The following WDFY3 variants were observed in gnomAD, a reference collection of about 807,000 sequenced individuals.
WDFY3 encodes the protein WD repeat and FYVE domain containing 3.
WDFY3 carries 66 observed loss-of-function variants against 409.6 expected under a neutral mutation model. The observed-to-expected ratio is 0.16, with a 90% CI of 0.13 to 0.20. The LOEUF (loss-of-function observed/expected upper bound fraction) is 0.20, where lower values mean the gene tolerates loss of function less well. Ranked by LOEUF, WDFY3 falls within the 10% of genes least tolerant of loss-of-function variation. The pLI, the probability that WDFY3 is intolerant of heterozygous loss-of-function variation, is 1.00. For missense variants in WDFY3, 3,031 were observed against 4,298.1 expected, an observed-to-expected ratio of 0.71 and a Z score of 8.24; for synonymous variants, 1,521 against 1,537.1, an observed-to-expected ratio of 0.99 and a Z score of 0.25.
chr4:84,818,351 G>A (rs1259429705), intron 12 of WDFY3, among the ~76,000 whole-genome samples: 2 of 152,072 alleles, frequency 1.3e-5, no homozygotes, highest in East Asian at 1.9e-4. Context: ...TTTCCTCTAA[G>A]TAATTCTTCT....
intron 8 of WDFY3, among the ~76,000 whole-genome samples, chr4:84,830,019 T>G (rs185053712): frequency 6.6e-6 from 1 of 152,116 alleles, no homozygotes; most frequent in Non-Finnish European, 1.5e-5. Flanking sequence ...TTTGGTGGTA[T>G]GTATTTGTAT....
At chr4:84,689,569 T>C (rs1282163308) in intron 61 of WDFY3, among the ~76,000 whole-genome samples, 1 of 152,252 alleles carries the variant, frequency 6.6e-6, no homozygotes, top group Non-Finnish European at 1.5e-5. Context: ...AGTTTTATAC[T>C]GAACAGGGGT....
chr4:84,769,650 C>T (rs1234750816), intron 30 of WDFY3, among the ~76,000 whole-genome samples: 1 of 152,098 alleles, frequency 6.6e-6, no homozygotes, highest in Non-Finnish European at 1.5e-5. Flanking sequence ...TCTCGATCTC[C>T]TGACCTCGTG....
intron 16 of WDFY3, among the ~76,000 whole-genome samples, chr4:84,802,345 C>A (rs1434370139): frequency 2.0e-5 from 3 of 149,482 alleles, no homozygotes; most frequent in Non-Finnish European, 4.5e-5. Flanking sequence ...CTGCAACCTC[C>A]GCCTCCTGGG....
intron 2 of WDFY3, among the ~76,000 whole-genome samples, chr4:84,907,969 AGTGGGTGTAG>A (rs1767269562): frequency 6.6e-6 from 1 of 152,114 alleles, no homozygotes; most frequent in South Asian, 2.1e-4. Context: ...AGGGGGAAAG[AGTGGGTGTAG>A]GTATGCATAT....
At chr4:84,878,379 T>C (rs1396733521) in intron 3 of WDFY3, among the ~76,000 whole-genome samples, 2 of 151,942 alleles carry the variant, frequency 1.3e-5, no homozygotes, top group African/African-American at 4.8e-5. Flanking sequence ...AAATGACAAA[T>C]GCCAAAAGAT....
intron 30 of WDFY3, among the ~76,000 whole-genome samples, chr4:84,770,875 G>A (rs895350194): frequency 2.0e-5 from 3 of 152,096 alleles, no homozygotes; most frequent in Non-Finnish European, 4.4e-5. Flanking sequence ...ACTCAATAAA[G>A]TCTTCAGTGC....
At chr4:84,959,048 A>C (rs1419858647) in intron 1 of WDFY3, among the ~76,000 whole-genome samples, 7 of 152,206 alleles carry the variant, frequency 4.6e-5, no homozygotes, top group Non-Finnish European at 1.0e-4. Context: ...ACAATTGACA[A>C]TAGTAATACT....
Position 84,796,474 on chromosome 4 carries a change from T to C in WDFY3, c.3167+47A>G, listed in dbSNP as rs1578557700. 3.2e-6 allele frequency: 4 copies of C among 1,238,906 alleles called. No homozygotes were observed. The East Asian group carries it at 1.1e-4, about 33-fold the overall frequency. The allele number at this position is 1,238,906 out of a possible 1,614,324, so 76.7% of individuals were successfully genotyped here. ...CCAAAGATCTATTTGTAAAGGCAAGTATGACGCATAAAACCATAAAGGTTG... is the reference window on the plus strand; with the variant it reads ...CCAAAGATCTATTTGTAAAGGCAAGCATGACGCATAAAACCATAAAGGTTG... On this transcript the variant is annotated intron_variant, in intron 19 of 67. Transcript: ENST00000295888.
At chr4:84,843,921 C>A (rs551527237) in intron 5 of WDFY3, among the ~76,000 whole-genome samples, 1 of 151,920 alleles carries the variant, frequency 6.6e-6, no homozygotes, top group African/African-American at 2.4e-5. Flanking sequence ...CAAATATAAA[C>A]GATTTAACTT....
chr4:84,711,156 T>G (rs2149000891), intron 51 of WDFY3, among the ~76,000 whole-genome samples: 3 of 152,342 alleles, frequency 2.0e-5, no homozygotes, highest in Admixed American at 2.0e-4. Flanking sequence ...GGCTACTAGT[T>G]ACTGAGTGAT....
chr4:84,722,989 TG>T (rs1735083361), intron 46 of WDFY3, among the ~76,000 whole-genome samples: 1 of 152,232 alleles, frequency 6.6e-6, no homozygotes, highest in Non-Finnish European at 1.5e-5. Flanking sequence ...TCCATTTCTA[TG>T]TCTAGCATAA....
At chr4:84,878,937 A>C (rs959970132) in intron 3 of WDFY3, among the ~76,000 whole-genome samples, 3 of 152,210 alleles carry the variant, frequency 2.0e-5, no homozygotes, top group African/African-American at 7.2e-5. Context: ...TTAAGTGTCT[A>C]CTATATATAA....
At chr4:84,903,867 A>G (rs979578466) in intron 2 of WDFY3, among the ~76,000 whole-genome samples, 3 of 152,010 alleles carry the variant, frequency 2.0e-5, no homozygotes, top group East Asian at 1.9e-4. Flanking sequence ...CTATTTCTCT[A>G]TCTCCCTATC....
intron 2 of WDFY3, among the ~76,000 whole-genome samples, chr4:84,925,068 TTAGC>T (rs1457523518): frequency 6.6e-6 from 1 of 152,224 alleles, no homozygotes; most frequent in Non-Finnish European, 1.5e-5. Flanking sequence ...ATTCAGCTAC[TTAGC>T]TAGCACAGAA....
chr4:84,739,145 T>C (rs756858827), intron 39 of WDFY3, 26 bp from the exon 40 acceptor site: 2 of 1,607,554 alleles, frequency 1.2e-6, no homozygotes, highest in South Asian at 1.1e-5. Context: ...CAGTTTAAAC[T>C]TTATGAAGGA....
rs181541570 is a variant in WDFY3 at position 84,802,394 on chromosome 4, G to A, written c.2608-530C>T. 3.1e-3 allele frequency among the ~76,000 whole-genome samples: 466 copies of A among 151,926 alleles called. 2 individuals are homozygous for A. Among genetic ancestry groups the A allele is most frequent in the African/African-American group, 0.011 (450 of 41,416 alleles). On this transcript the variant is annotated intron_variant, in intron 16 of 67. Transcript: ENST00000295888. ...CCTGCCTCAGTCCGCCGAGTAGCTC[G>A]GACTACAGGTGCCTGCCACCATGCC...
At chr4:84,725,482 G>A (rs1037828154) in intron 45 of WDFY3, among the ~76,000 whole-genome samples, 1 of 151,984 alleles carries the variant, frequency 6.6e-6, no homozygotes, top group Non-Finnish European at 1.5e-5. Context: ...TTAAAATCAC[G>A]GAAGATGAGA....
chr4:84,690,702 A>T, intron 60 of WDFY3, 38 bp from the exon 61 acceptor site: 2 of 1,576,028 alleles, frequency 1.3e-6, no homozygotes, highest in South Asian at 2.4e-5. Flanking sequence ...ACATGCCGTT[A>T]AGTACTATAC....
Sources: allele counts gnomAD v4.1 joint callset (sites outside exome capture counted in the v4.1 genomes callset), GRCh38; gene constraint gnomAD v4.1.1; transcripts MANE v1.5; gene names NCBI Gene and HGNC (gene_info 2026-07-23, HGNC 2026-07-21).